CNTNAP4: variants seen among roughly 807,000 people sequenced by gnomAD.
CNTNAP4 encodes the protein contactin-associated protein-like 4.
Under a neutral mutation model 148.4 loss-of-function variants are expected in CNTNAP4, and 98 were observed. The ratio of observed to expected loss-of-function variants is 0.66; its 90% CI spans 0.56 to 0.78. The LOEUF is 0.78. Ranked by LOEUF, CNTNAP4 falls within the 30% of genes least tolerant of loss-of-function variation. The pLI is 0.00. For missense variants in CNTNAP4, 1,935 were observed against 1,565.6 expected (o/e 1.24, Z -3.98); for synonymous variants, 730 against 565.1 (o/e 1.29, Z -4.14).
chr16:76,390,156 C>A (rs2016852773), intron 3 of CNTNAP4, among the ~76,000 whole-genome samples: 1 of 152,110 alleles, frequency 6.6e-6, no homozygotes, highest in Non-Finnish European at 1.5e-5. Flanking sequence ...GCCTTCCTCC[C>A]TGGGAGATGG....
At chr16:76,488,474 C>G (rs1359362910) in intron 12 of CNTNAP4, among the ~76,000 whole-genome samples, 4 of 152,164 alleles carry the variant, frequency 2.6e-5, no homozygotes, top group Admixed American at 1.3e-4. Flanking sequence ...GCCTGCCTCT[C>G]TAATCCAAAC....
intron 21 of CNTNAP4, among the ~76,000 whole-genome samples, chr16:76,546,479 T>A (rs2084740038): frequency 6.6e-6 from 1 of 152,106 alleles, no homozygotes; most frequent in Admixed American, 6.6e-5. Flanking sequence ...CTGGGTTGTG[T>A]GCTCATTATG....
At chr16:76,528,391 G>A (rs755480100) in intron 17 of CNTNAP4, among the ~76,000 whole-genome samples, 6 of 152,122 alleles carry the variant, frequency 3.9e-5, no homozygotes, top group Non-Finnish European at 7.4e-5. Flanking sequence ...TCAGCCTCCA[G>A]AGTAGCTGAG....
At chr16:76,427,736 T>C in intron 4 of CNTNAP4, 137 bp downstream of exon 4, 3 of 728,802 alleles carry the variant, frequency 4.1e-6, no homozygotes, top group Non-Finnish European at 6.5e-6. Context: ...GAAAGCTTTT[T>C]TGTGCATGCC....
At chr16:76,379,342 A>T (rs1478885584) in intron 3 of CNTNAP4, among the ~76,000 whole-genome samples, 1 of 152,162 alleles carries the variant, frequency 6.6e-6, no homozygotes, top group Non-Finnish European at 1.5e-5. Context: ...TACAATCTGG[A>T]GGTTAGGTAG....
chr16:76,549,927 A>C (rs1476667985), intron 21 of CNTNAP4, among the ~76,000 whole-genome samples: 1 of 152,176 alleles, frequency 6.6e-6, no homozygotes. Context: ...TTCCAAGCTA[A>C]ATAAAAACTT....
At chr16:76,513,723 T>A (rs2083120868) in intron 15 of CNTNAP4, among the ~76,000 whole-genome samples, 1 of 152,152 alleles carries the variant, frequency 6.6e-6, no homozygotes, top group South Asian at 2.1e-4. Flanking sequence ...AGTGTGCAAA[T>A]GCAGGAAGTT....
intron 3 of CNTNAP4, among the ~76,000 whole-genome samples, chr16:76,408,997 A>G (rs746988153): frequency 3.9e-5 from 6 of 151,986 alleles, no homozygotes; most frequent in African/African-American, 4.8e-5. Context: ...CAAAGCCACA[A>G]TGAGTCATTA....
intron 12 of CNTNAP4, among the ~76,000 whole-genome samples, chr16:76,489,227 A>G (rs184165159): frequency 6.6e-6 from 1 of 151,982 alleles, no homozygotes; most frequent in Admixed American, 6.6e-5. Context: ...TCTAATATAC[A>G]TTTTTTTAAA....
At chr16:76,329,557 C>G (rs555671819) in intron 2 of CNTNAP4, among the ~76,000 whole-genome samples, 2 of 152,208 alleles carry the variant, frequency 1.3e-5, no homozygotes, top group East Asian at 1.9e-4. Context: ...TTTATAAAGT[C>G]TTTCTTTCGA....
At chr16:76,390,412 A>G (rs547837179) in intron 3 of CNTNAP4, among the ~76,000 whole-genome samples, 1 of 152,244 alleles carries the variant, frequency 6.6e-6, no homozygotes, top group African/African-American at 2.4e-5. Flanking sequence ...GGTCTGGACT[A>G]TATCCTTTTG....
At position 76,559,547 on chromosome 16, in the gene CNTNAP4, A is replaced by C. The variant is rs375216069; in HGVS notation, c.*864A>C. The stretch of plus-strand genomic sequence containing the variant: ...ATTAAAAAAAATTCTTAACACAGCA[A>C]AAAATTATTATTTAATTTACAACTG... On this transcript the variant is annotated 3_prime_UTR_variant, in exon 24 of 24. Transcript: ENST00000611870. Among the ~76,000 whole-genome samples, 12 of 152,318 alleles carry C rather than the reference A, an allele frequency of 7.9e-5. No individual in the cohort carries two copies. The South Asian group carries it at 2.3e-3, about 29-fold the overall frequency.
At chr16:76,389,384 A>C (rs4888494) in intron 3 of CNTNAP4, among the ~76,000 whole-genome samples, 1 of 152,042 alleles carries the variant, frequency 6.6e-6, no homozygotes, top group Non-Finnish European at 1.5e-5. Context: ...ATTTCTGGCA[A>C]CGTTGCTTGT....
At chr16:76,436,002 G>T (rs986792608) in intron 4 of CNTNAP4, among the ~76,000 whole-genome samples, 3 of 151,994 alleles carry the variant, frequency 2.0e-5, no homozygotes, top group Admixed American at 6.6e-5. Flanking sequence ...TTCAAGTGTA[G>T]TGCACCTCCT....
chr16:76,384,009 T>A (rs75348042), intron 3 of CNTNAP4, among the ~76,000 whole-genome samples: 1 of 152,114 alleles, frequency 6.6e-6, no homozygotes, highest in Non-Finnish European at 1.5e-5. Flanking sequence ...TTGTTTTGTT[T>A]TTTGTTTTTG....
chr16:76,307,534 A>ATG (rs1325694005), intron 1 of CNTNAP4, among the ~76,000 whole-genome samples: 5 of 114,318 alleles, frequency 4.4e-5, no homozygotes, highest in East Asian at 2.3e-4. Context: ...ATATATATAT[A>ATG]TATATACCAA....
chr16:76,537,482 G>C (rs920117552), intron 18 of CNTNAP4, among the ~76,000 whole-genome samples: 20 of 152,140 alleles, frequency 1.3e-4, no homozygotes, highest in Non-Finnish European at 2.9e-4. Context: ...AAGACAGAGA[G>C]AATTTGGGAT....
chr16:76,555,584 GA>G (rs2085164043), intron 23 of CNTNAP4, among the ~76,000 whole-genome samples: 2 of 152,154 alleles, frequency 1.3e-5, no homozygotes, highest in African/African-American at 4.8e-5. Flanking sequence ...GAGACAGATA[GA>G]AATATAGAGT....
At chr16:76,530,907 T>A (rs62048242) in intron 17 of CNTNAP4, among the ~76,000 whole-genome samples, 7,260 of 152,182 alleles carry the variant, frequency 0.048, 214 homozygotes, top group South Asian at 0.11. Context: ...GTCCAATGCT[T>A]GACATATAGA....
Sources: gnomAD v4.1 joint callset for allele counts (sites outside exome capture counted in the v4.1 genomes callset) on GRCh38, gnomAD v4.1.1 for gene constraint, MANE v1.5 for transcripts, NCBI Gene and HGNC (gene_info 2026-07-23, HGNC 2026-07-21) for gene names.